Variants in MGLL observed in about 807,000 individuals in gnomAD.
MGLL encodes lysophospholipase homolog.
Under a neutral mutation model 29.1 loss-of-function variants are expected in MGLL, and 7 were observed. The ratio of observed to expected loss-of-function variants is 0.24; its 90% confidence interval spans 0.14 to 0.45. The LOEUF is 0.45. Among genes scored for constraint, MGLL ranks in the 20% least tolerant of loss-of-function variants. The pLI, the probability that MGLL is intolerant of heterozygous loss-of-function variation, is 0.99. For synonymous variants in MGLL, 148 were observed against 168.3 expected (o/e 0.88, Z 0.93); for missense variants, 356 against 413.6 (o/e 0.86, Z 1.21).
intron 2 of MGLL, among the ~76,000 whole-genome samples, chr3:127,791,810 C>T (rs2077304860): frequency 1.3e-5 from 2 of 152,202 alleles, no homozygotes; most frequent in South Asian, 4.1e-4. Context: ...GTGACTTAAA[C>T]CTGTAATCCC....
chr3:127,763,950 T>C (rs2076811434), intron 3 of MGLL, among the ~76,000 whole-genome samples: 3 of 152,176 alleles, frequency 2.0e-5, no homozygotes, highest in South Asian at 4.1e-4. Flanking sequence ...GGTTCCGACA[T>C]GGGTGGAAGC....
chr3:127,752,645 A>C (rs1264401676), intron 3 of MGLL, among the ~76,000 whole-genome samples: 1 of 152,018 alleles, frequency 6.6e-6, no homozygotes, highest in African/African-American at 2.4e-5. Context: ...AGATCCCTTT[A>C]GTGAGCAAGC....
rs1196188774 is a variant in MGLL at position 127,691,993 on chromosome 3, T to C, written c.*205A>G. 1 of 653,046 alleles carries C rather than the reference T, an allele frequency of 1.5e-6. No individual in the cohort carries two copies. The highest frequency in any genetic ancestry group is 2.6e-6 in the Non-Finnish European group (1 of 391,744). The allele number at this position is 653,046 out of a possible 1,614,324, so 40.5% of individuals were successfully genotyped here. On this transcript the variant is annotated 3_prime_UTR_variant, in exon 8 of 8. Transcript: ENST00000265052. ...GACCTTTCTCTTTTTTTGCATAAAG[T>C]GTCTAACCATTAAGGTAGGTCCAGT...
rs144444596 is a variant in MGLL at position 127,755,978 on chromosome 3, T to C, written c.262+25811A>G. Among the ~76,000 whole-genome samples the C allele has an allele frequency of 5.3e-3, 800 of 152,262 alleles. 1 individual carries two copies. Among genetic ancestry groups the C allele is most frequent in the Middle Eastern group, 0.014 (4 of 294 alleles). On this transcript the variant is annotated intron_variant, in intron 3 of 7. Transcript: ENST00000265052. ...ACCTCCCAGCCTCCCTAGCAATCAG[T>C]GTGGCTATGGGACTAACTCCTGGTC...
At chr3:127,693,999 A>T (rs151224764) in intron 7 of MGLL, among the ~76,000 whole-genome samples, 1 of 149,808 alleles carries the variant, frequency 6.7e-6, no homozygotes, top group Non-Finnish European at 1.5e-5. Flanking sequence ...TTGCTGGGTG[A>T]GGTGGCTCAC....
At chr3:127,822,602 T>G, upstream of MGLL, 3 of 453,768 alleles carry the variant, frequency 6.6e-6, no homozygotes, top group Non-Finnish European at 7.8e-6. Flanking sequence ...AACAAATCGC[T>G]AGAGGGGCTC....
intron 3 of MGLL, among the ~76,000 whole-genome samples, chr3:127,752,251 C>T (rs2076573163): frequency 6.6e-6 from 1 of 152,144 alleles, no homozygotes; most frequent in South Asian, 2.1e-4. Flanking sequence ...CGCCTGCCAC[C>T]ACTCCCAGCT....
chr3:127,757,133 A>G lies in MGLL; in HGVS notation c.262+24656T>C, dbSNP rs377463143. Among the ~76,000 whole-genome samples the G allele has an allele frequency of 3.5e-4, 53 of 152,278 alleles. No individual in the cohort carries two copies. The East Asian group carries it at 5.0e-3, about 14-fold the overall frequency. ...CATCAACAGCTTCTGCTGTTGTCCT[A>G]GAAAAGAACATGACTCTCCTAGCCC... is the stretch of plus-strand genomic sequence containing the variant. On this transcript the variant is annotated intron_variant, in intron 3 of 7. Coordinates refer to ENST00000265052, the MANE Select transcript of MGLL (RefSeq NM_007283.7).
rs117390931 is a variant in MGLL at position 127,780,090 on chromosome 3, A to G, written c.262+1699T>C. Among the ~76,000 whole-genome samples, 178 of 152,364 alleles carry G rather than the reference A, an allele frequency of 1.2e-3. No homozygotes were observed. The East Asian group carries it at 0.031, about 27-fold the overall frequency. On this transcript the variant is annotated intron_variant, in intron 3 of 7. Coordinates refer to ENST00000265052, the MANE Select transcript of MGLL (RefSeq NM_007283.7). ...TCACAGAGAGCTCTGCCTCAACTCT[A>G]GATGTTATTCTGGAAACATCAAAAG...
At chr3:127,750,251 T>C (rs1475488367) in intron 3 of MGLL, among the ~76,000 whole-genome samples, 2 of 152,164 alleles carry the variant, frequency 1.3e-5, no homozygotes, top group South Asian at 4.1e-4. Context: ...GGGTTTGCTG[T>C]GGAGAAGGCA....
chr3:127,817,026 C>A (rs1406537149), intron 2 of MGLL, among the ~76,000 whole-genome samples: 1 of 152,194 alleles, frequency 6.6e-6, no homozygotes, highest in African/African-American at 2.4e-5. Flanking sequence ...CAGCTCAGAC[C>A]GGTGGAGCTG....
At chr3:127,754,689 G>C (rs1466224066) in intron 3 of MGLL, among the ~76,000 whole-genome samples, 1 of 152,196 alleles carries the variant, frequency 6.6e-6, no homozygotes, top group Non-Finnish European at 1.5e-5. Flanking sequence ...TCGGGCAGGA[G>C]GATGGGTTTT....
rs1049105711 is a variant in MGLL, at chr3:127,707,726, C to A, written c.600+2850G>T. Among the ~76,000 whole-genome samples the A allele has an allele frequency of 3.3e-4, 50 of 152,210 alleles. 1 individual carries two copies. Among genetic ancestry groups the A allele is most frequent in the Admixed American group, 2.6e-4 (4 of 15,282 alleles). On this transcript the variant is annotated intron_variant, in intron 6 of 7. Coordinates refer to ENST00000265052, the MANE Select transcript of MGLL (RefSeq NM_007283.7). ...GTCTGGCACAGAAGAATGATGCCAT[C>A]ATTGTGCATTGGGTAGTGTTGAGAC...
intron 3 of MGLL, among the ~76,000 whole-genome samples, chr3:127,734,445 C>T (rs500104): frequency 0.15 from 22,520 of 151,982 alleles, 2,535 homozygotes; most frequent in East Asian, 0.45. Flanking sequence ...TTTACCCTAA[C>T]TCTGAGCCCA....
At chr3:127,717,403 C>T (rs151323241) in intron 5 of MGLL, among the ~76,000 whole-genome samples, 3,257 of 152,318 alleles carry the variant, frequency 0.021, 49 homozygotes, top group Non-Finnish European at 0.03. Context: ...CAAGCTGACT[C>T]GAGCAAGACA....
chr3:127,799,572 C>G lies in MGLL; in HGVS notation c.156-17677G>C, dbSNP rs537080431. ...GGCTACCTCAAGTCCTTTCTCAGCA[C>G]AAGATGTGTGTAAATACACCAGGTT... On this transcript the variant is annotated intron_variant, in intron 2 of 7. Transcript: ENST00000265052. 7.9e-5 allele frequency: 12 copies of G among 152,310 alleles called. No homozygotes were observed. The East Asian group carries it at 2.3e-3, about 29-fold the overall frequency. The allele number at this position is 152,310 out of a possible 1,614,324, so 9.4% of individuals were successfully genotyped here.
intron 3 of MGLL, among the ~76,000 whole-genome samples, chr3:127,754,899 C>G (rs1210937704): frequency 6.6e-6 from 1 of 152,192 alleles, no homozygotes; most frequent in Non-Finnish European, 1.5e-5. Context: ...GTCCCAGGCT[C>G]TTTAGAGGGA....
chr3:127,700,147 C>T (rs750634314), intron 6 of MGLL, among the ~76,000 whole-genome samples: 6 of 152,180 alleles, frequency 3.9e-5, no homozygotes, highest in Admixed American at 6.5e-5. Context: ...CCTTCTCTGG[C>T]ATAATAGAGA....
At chr3:127,708,420 C>T (rs2075644977) in intron 6 of MGLL, among the ~76,000 whole-genome samples, 1 of 152,160 alleles carries the variant, frequency 6.6e-6, no homozygotes, top group South Asian at 2.1e-4. Context: ...CGGATGGGGG[C>T]TGTGGGTGGG....
Sources: allele counts gnomAD v4.1 joint callset (sites outside exome capture counted in the v4.1 genomes callset), GRCh38; gene constraint gnomAD v4.1.1; transcripts MANE v1.5; gene names NCBI Gene and HGNC (gene_info 2026-07-23, HGNC 2026-07-21).